GABBR2: variants seen among roughly 807,000 people sequenced by gnomAD.
GABBR2 encodes gamma-aminobutyric acid type B receptor subunit 2.
In GABBR2, 23 loss-of-function variants were observed where a neutral mutation model predicts 105.6. The ratio of observed to expected loss-of-function variants is 0.22; its 90% CI spans 0.16 to 0.31. The LOEUF (loss-of-function observed/expected upper bound fraction) is 0.31. Ranked by LOEUF, GABBR2 falls within the 10% of genes least tolerant of loss-of-function variation. The pLI, the probability that GABBR2 is intolerant of heterozygous loss-of-function variation, is 1.00. For synonymous variants in GABBR2, 478 were observed against 499.7 expected (o/e 0.96, Z 0.58); for missense variants, 734 against 1,245.5 (o/e 0.59, Z 6.18).
chr9:98,654,669 G>A (rs963719498), intron 1 of GABBR2, among the ~76,000 whole-genome samples: 5 of 152,236 alleles, frequency 3.3e-5, no homozygotes, highest in African/African-American at 9.6e-5. Flanking sequence ...GACAAGGGCA[G>A]TGGGGAGTAG....
intron 7 of GABBR2, among the ~76,000 whole-genome samples, chr9:98,438,044 A>G (rs1417012338): frequency 6.7e-6 from 1 of 150,368 alleles, no homozygotes; most frequent in Non-Finnish European, 1.5e-5. Context: ...GTATCCATTC[A>G]TCCATCCACC....
At chr9:98,667,079 G>C (rs899630856) in intron 1 of GABBR2, among the ~76,000 whole-genome samples, 8 of 152,142 alleles carry the variant, frequency 5.3e-5, no homozygotes, top group East Asian at 1.9e-4. Flanking sequence ...AGGGGCTCAG[G>C]GTCCTCAGGA....
At chr9:98,347,197 C>A (rs1588114447) in intron 13 of GABBR2, among the ~76,000 whole-genome samples, 1 of 152,206 alleles carries the variant, frequency 6.6e-6, no homozygotes, top group Admixed American at 6.5e-5. Context: ...TTCCCACCAA[C>A]AGTGTATAAG....
chr9:98,628,144 G>C (rs578068822), intron 1 of GABBR2, among the ~76,000 whole-genome samples: 1 of 152,220 alleles, frequency 6.6e-6, no homozygotes, highest in African/African-American at 2.4e-5. Flanking sequence ...AATAACTTAC[G>C]TGTGTTTAAA....
rs905849935 is a variant in GABBR2, at chr9:98,528,444, GA to G, written c.630+13428del. On this transcript the variant is annotated intron_variant, in intron 3 of 18. Coordinates refer to ENST00000259455, the MANE Select transcript of GABBR2 (RefSeq NM_005458.8). The stretch of plus-strand genomic sequence containing the variant: ...AGCTTGTCAAGCATAATGGAAAGGT[GA>G]AAAAAATGGTCTTGATAAATTTAAC... 2.6e-5 allele frequency among the ~76,000 whole-genome samples: 4 copies of G among 151,926 alleles called. No individual in the cohort carries two copies. In the South Asian group the frequency reaches 6.2e-4, roughly 24 times the overall value.
chr9:98,371,297 T>C (rs1263806118), intron 12 of GABBR2, among the ~76,000 whole-genome samples, 167 bp downstream of exon 12: 1 of 152,156 alleles, frequency 6.6e-6, no homozygotes, highest in East Asian at 1.9e-4. Context: ...TACAAATGCT[T>C]TGTTAACTGT....
chr9:98,517,358 T>G (rs1827777981), intron 3 of GABBR2, among the ~76,000 whole-genome samples: 1 of 152,138 alleles, frequency 6.6e-6, no homozygotes, highest in Admixed American at 6.5e-5. Context: ...ATCTCCTGTA[T>G]GCTGAGCCCC....
At chr9:98,658,143 C>A (rs1436808622) in intron 1 of GABBR2, among the ~76,000 whole-genome samples, 1 of 152,154 alleles carries the variant, frequency 6.6e-6, no homozygotes, top group Non-Finnish European at 1.5e-5. Context: ...GATAAGTCAT[C>A]CACCCATAGT....
chr9:98,462,656 A>C (rs1826445961), intron 6 of GABBR2, among the ~76,000 whole-genome samples: 1 of 152,146 alleles, frequency 6.6e-6, no homozygotes, highest in Non-Finnish European at 1.5e-5. Flanking sequence ...GACACACCAA[A>C]AGTTGTTGAG....
chr9:98,456,087 T>C (rs1029274317), intron 6 of GABBR2, among the ~76,000 whole-genome samples: 3 of 152,146 alleles, frequency 2.0e-5, no homozygotes. Flanking sequence ...GAGTTCGTCC[T>C]GTTACTCACA....
chr9:98,447,072 T>G (rs942650707), intron 7 of GABBR2, among the ~76,000 whole-genome samples: 1 of 109,072 alleles, frequency 9.2e-6, no homozygotes, highest in African/African-American at 3.4e-5. Context: ...TCTTTTTTTT[T>G]TTTTTTTGAG....
At chr9:98,684,669 C>T (rs1395034147) in intron 1 of GABBR2, among the ~76,000 whole-genome samples, 1 of 152,222 alleles carries the variant, frequency 6.6e-6, no homozygotes, top group Admixed American at 6.5e-5. Flanking sequence ...GATAATGTAT[C>T]TATCCTAAAA....
intron 1 of GABBR2, among the ~76,000 whole-genome samples, chr9:98,586,621 T>C (rs1257727118): frequency 6.6e-6 from 1 of 152,246 alleles, no homozygotes; most frequent in African/African-American, 2.4e-5. Context: ...TTCTTTACAG[T>C]TTTATATGTA....
At position 98,454,085 on chromosome 9, in the gene GABBR2, C is replaced by T. The variant is rs766298404; in HGVS notation, c.1132G>A (p.Ala378Thr). The T allele has an allele frequency of 2.5e-6, 4 of 1,614,124 alleles. No homozygotes were observed. The highest frequency in any genetic ancestry group is 2.5e-6 in the Non-Finnish European group (3 of 1,179,994). The change falls in exon 7 of 19, where the codon GCC (alanine) becomes ACC (threonine). Residue 378 changes from alanine to threonine, a missense_variant. Ala to Thr is a moderately conservative substitution (Grantham distance 58). Coordinates refer to ENST00000259455, the MANE Select transcript of GABBR2 (RefSeq NM_005458.8). This position sits in a 1 kb window ranked among gnomAD's most constrained non-coding sequence, Gnocchi z 4.6. ...TLQRAMETLH[A>T]SSRHQRIQDF... The stretch of plus-strand genomic sequence containing the variant: ...TGGATCCGCTGGTGCCGGCTGCTGG[C>T]ATGCAGTGTCTCCATGGCCCTCTGC...
intron 9 of GABBR2, among the ~76,000 whole-genome samples, chr9:98,391,026 A>C (rs1386684965): frequency 6.6e-6 from 1 of 152,142 alleles, no homozygotes; most frequent in African/African-American, 2.4e-5. Flanking sequence ...CTCACTTTTC[A>C]TCTGGTCCAT....
intron 7 of GABBR2, among the ~76,000 whole-genome samples, chr9:98,444,877 GCGCA>G (rs1252139178): frequency 3.7e-4 from 36 of 96,632 alleles, no homozygotes; most frequent in South Asian, 6.8e-4. Context: ...ATGCGCGCGC[GCGCA>G]CACACACACA....
At chr9:98,302,073 T>C (rs1012529612) in intron 16 of GABBR2, among the ~76,000 whole-genome samples, 6 of 152,192 alleles carry the variant, frequency 3.9e-5, no homozygotes, top group African/African-American at 1.2e-4. Context: ...GAAAATATGA[T>C]TGGTTGTTGA....
At chr9:98,291,399 C>G (rs1463056344) in intron 18 of GABBR2, among the ~76,000 whole-genome samples, 3 of 152,168 alleles carry the variant, frequency 2.0e-5, no homozygotes. Flanking sequence ...AGTTCGCATT[C>G]TCTACTCTTG....
At chr9:98,472,763 C>T (rs949371256) in intron 6 of GABBR2, among the ~76,000 whole-genome samples, 1 of 152,092 alleles carries the variant, frequency 6.6e-6, no homozygotes, top group Non-Finnish European at 1.5e-5. Context: ...CTACTTAAGG[C>T]GTCTTTCCTC....
Sources: gnomAD v4.1 joint callset for allele counts (sites outside exome capture counted in the v4.1 genomes callset) on GRCh38, gnomAD v4.1.1 for gene constraint, Gnocchi (gnomAD v3.1) non-coding constraint, MANE v1.5 for transcripts, NCBI Gene and HGNC (gene_info 2026-07-23, HGNC 2026-07-21) for gene names.